The following KLK6 variants were observed in gnomAD, a reference collection of about 807,000 sequenced individuals.
KLK6 encodes the protein kallikrein-6.
A neutral mutation model predicts 21.7 loss-of-function variants in KLK6; 16 were observed. The observed-to-expected ratio is 0.74, with a 90% CI of 0.50 to 1.12. The LOEUF (loss-of-function observed/expected upper bound fraction) is 1.12, where lower values mean the gene tolerates loss of function less well. Ranked by LOEUF, KLK6 falls within the 50% of genes most tolerant of loss-of-function variation. The probability of loss-of-function intolerance (pLI) is 0.00; values close to 1 mark genes in which losing one functional copy is unlikely to be tolerated. For synonymous variants in KLK6, 116 were observed against 120.1 expected (o/e 0.97, Z 0.22); for missense variants, 276 against 304.6 (o/e 0.91, Z 0.70).
chr19:50,962,087 C>G (rs920495827), intron 5 of KLK6: 4 of 512,230 alleles, frequency 7.8e-6, no homozygotes, highest in Non-Finnish European at 1.3e-5. Context: ...ATTCTTCCCC[C>G]CCATTGGCTG....
At chr19:50,962,859 A>T (rs1600092168) in intron 5 of KLK6, 1 of 189,278 alleles carries the variant, frequency 5.3e-6, no homozygotes, top group East Asian at 1.3e-4. Context: ...TCCATCAGCT[A>T]TACCCCCATT....
intron 6 of KLK6, among the ~76,000 whole-genome samples, chr19:50,960,415 A>G (rs1386575895): frequency 6.6e-6 from 1 of 152,002 alleles, no homozygotes; most frequent in Non-Finnish European, 1.5e-5. Flanking sequence ...TGGCATAAAG[A>G]GGAGAGCCTG....
intron 4 of KLK6, among the ~76,000 whole-genome samples, chr19:50,966,041 A>G (rs530940924): frequency 3.0e-4 from 45 of 152,052 alleles, no homozygotes; most frequent in Middle Eastern, 3.4e-3. Flanking sequence ...CTTTAAATAC[A>G]CCTGTTTGCT....
intron 3 of KLK6, among the ~76,000 whole-genome samples, chr19:50,967,716 GCTT>G (rs2090950000): frequency 6.8e-6 from 1 of 146,614 alleles, no homozygotes; most frequent in East Asian, 2.0e-4. Context: ...AAAAAAAAAA[GCTT>G]CTCTGTATTT....
At chr19:50,959,384 T>C in intron 6 of KLK6, 68 bp from the exon 7 acceptor site, 1 of 1,074,724 alleles carries the variant, frequency 9.3e-7, no homozygotes, top group Non-Finnish European at 1.3e-6. Flanking sequence ...TGTGTGTGTG[T>C]GTGTGTGTGT....
intron 5 of KLK6, 85 bp downstream of exon 5, chr19:50,963,217 C>G: frequency 6.5e-7 from 1 of 1,539,250 alleles, no homozygotes; most frequent in Non-Finnish European, 8.8e-7. Flanking sequence ...CCCATGGCCC[C>G]TCACCAATTT....
At position 50,959,038 on chromosome 19, in the gene KLK6, G is replaced by A. The variant is rs1393047459; in HGVS notation, c.*126C>T. On this transcript the variant is annotated 3_prime_UTR_variant, in exon 7 of 7. Coordinates refer to ENST00000310157, the MANE Select transcript of KLK6 (RefSeq NM_002774.4). ...CAGGGAGAATCAGGACCCTCACGTC[G>A]CTGCGTTTATTAAGCATCAGGGTCA... 22 of 996,816 alleles carry A rather than the reference G, an allele frequency of 2.2e-5. No homozygotes were observed. Among genetic ancestry groups the A allele is most frequent in the South Asian group, 1.3e-4 (9 of 67,240 alleles). 61.7% of individuals were successfully genotyped at this position (996,816 alleles called of 1,614,324 possible).
At chr19:50,960,125 A>C (rs1600088260) in intron 6 of KLK6, among the ~76,000 whole-genome samples, 1 of 20,404 alleles carries the variant, frequency 4.9e-5, no homozygotes, top group African/African-American at 2.0e-4. Flanking sequence ...GGAGAGGGGG[A>C]GGAGGATGGG....
rs143557050 is a variant in KLK6, at chr19:50,961,762, G to A, written c.564C>T (p.Tyr188=). ...ACCTCACCTGGCAGGAATCCTTCCC[G>A]TACTTCTCATCCCCAGCACACAACA... The part of the protein sequence containing the change: ...QNMLCAGDEK[Y]GKDSCQGDSG... Residue 188 remains tyrosine (Y), a synonymous_variant, in exon 6 of 7, where the codon TAC becomes TAT. Transcript: ENST00000310157. 4.3e-5 allele frequency: 69 copies of A among 1,613,700 alleles called. No individual in the cohort carries two copies. In the African/African-American group the frequency reaches 7.3e-4, roughly 17 times the overall value.
At chr19:50,967,790 C>G (rs1045434377) in intron 3 of KLK6, among the ~76,000 whole-genome samples, 4 of 151,900 alleles carry the variant, frequency 2.6e-5, no homozygotes, top group African/African-American at 9.7e-5. Flanking sequence ...TTCCCGGGCT[C>G]TCTCCAACTT....
intron 4 of KLK6, among the ~76,000 whole-genome samples, chr19:50,964,719 CAG>C (rs1189888519): frequency 1.3e-5 from 2 of 152,190 alleles, no homozygotes; most frequent in African/African-American, 4.8e-5. Flanking sequence ...ATTCCTGAAA[CAG>C]AGAGTCACTC....
At chr19:50,969,275 G>A (rs749259604) in intron 1 of KLK6, among the ~76,000 whole-genome samples, 6 of 152,066 alleles carry the variant, frequency 3.9e-5, no homozygotes, top group African/African-American at 1.2e-4. Flanking sequence ...AGTTCTAGTC[G>A]GCTCAGTCCT....
At chr19:50,962,402 T>G (rs1279253071) in intron 5 of KLK6, 1 of 153,586 alleles carries the variant, frequency 6.5e-6, no homozygotes, top group Non-Finnish European at 1.4e-5. Flanking sequence ...TGGTTCTTCA[T>G]CCAATGGTCC....
intron 6 of KLK6, among the ~76,000 whole-genome samples, chr19:50,960,594 T>C (rs2090826451): frequency 6.6e-6 from 1 of 152,014 alleles, no homozygotes; most frequent in Admixed American, 6.6e-5. Flanking sequence ...ACTACTTCTC[T>C]TTGGTTCTTT....
At chr19:50,964,033 C>T (rs60839180) in intron 4 of KLK6, among the ~76,000 whole-genome samples, 9,045 of 152,242 alleles carry the variant, frequency 0.059, 422 homozygotes, top group East Asian at 0.29. Context: ...CAACGTGGCA[C>T]ACCAGGCCTT....
rs537409878 is a variant in KLK6 at position 50,959,284 on chromosome 19, G to T, written c.615C>A (p.Asp205Glu). 4.3e-6 allele frequency: 7 copies of T among 1,613,772 alleles called. No homozygotes were observed. Residue 205 changes from aspartate (D) to glutamate (E), a missense_variant, in exon 7 of 7, where the codon GAC becomes GAA. Physicochemically the swap from Asp to Glu is conservative, Grantham distance 45. Coordinates refer to ENST00000310157, the MANE Select transcript of KLK6 (RefSeq NM_002774.4). Reference sequence around the variant, plus strand: ...CCCATGACACAAGGCCTCGGAGGTGGTCTCCACATACCAGCGGACCCCCAG... The same window carrying T: ...CCCATGACACAAGGCCTCGGAGGTGTTCTCCACATACCAGCGGACCCCCAG... Reference protein sequence around the residue: ...GDSGGPLVCGDHLRGLVSWGN... With the variant: ...GDSGGPLVCGEHLRGLVSWGN...
In KLK6 at chr19:50,959,072, C is replaced by G; in HGVS notation, c.*92G>C. ...ATTAAGCATCAGGGTCAGAGCTGGGCAGGAGAGGAGGGGAGGCAAGGTCTA... is the reference window on the plus strand; with the variant it reads ...ATTAAGCATCAGGGTCAGAGCTGGGGAGGAGAGGAGGGGAGGCAAGGTCTA... On this transcript the variant is annotated 3_prime_UTR_variant, in exon 7 of 7. Transcript: ENST00000310157. The G allele has an allele frequency of 7.3e-7, 1 of 1,376,260 alleles. No individual in the cohort carries two copies. Among genetic ancestry groups the G allele is most frequent in the South Asian group, 1.2e-5 (1 of 81,660 alleles). 85.3% of individuals were successfully genotyped at this position (1,376,260 alleles called of 1,614,324 possible).
rs931979265 is a variant in KLK6, at chr19:50,967,399, G to T, written c.41-74C>A. On this transcript the variant is annotated intron_variant, in intron 3 of 6. Transcript: ENST00000310157. The stretch of plus-strand genomic sequence containing the variant: ...CGCATCCCCCTCAACATGAACTCCA[G>T]TCAAGATTGGTCAGGTGCAGTGGCT... The T allele has an allele frequency of 2.1e-6, 3 of 1,419,358 alleles. No homozygotes were observed. In the African/African-American group the frequency reaches 4.3e-5, roughly 20 times the overall value. 87.9% of individuals were successfully genotyped at this position (1,419,358 alleles called of 1,614,324 possible). A position where few individuals can be genotyped will look rare whatever the true frequency, so the allele number is the denominator to read the frequency against.
intron 4 of KLK6, among the ~76,000 whole-genome samples, chr19:50,966,237 G>A (rs1463407408): frequency 2.0e-5 from 3 of 152,146 alleles, no homozygotes; most frequent in African/African-American, 7.2e-5. Flanking sequence ...AGAGAAAGAC[G>A]TGGCAAAACA....
Sources: gnomAD v4.1 joint callset for allele counts (sites outside exome capture counted in the v4.1 genomes callset) on GRCh38, gnomAD v4.1.1 for gene constraint, MANE v1.5 for transcripts, NCBI Gene and HGNC (gene_info 2026-07-23, HGNC 2026-07-21) for gene names.